SNX13: variants seen among roughly 807,000 people sequenced by gnomAD.
SNX13 encodes sorting nexin-13.
Under a neutral mutation model 133.6 loss-of-function variants are expected in SNX13, and 45 were observed. The observed-to-expected ratio is 0.34, with a 90% CI of 0.27 to 0.43. SNX13 has a LOEUF of 0.43. Ranked by LOEUF, SNX13 falls within the 20% of genes least tolerant of loss-of-function variation. The pLI, the probability that SNX13 is intolerant of heterozygous loss-of-function variation, is 1.00. For synonymous variants in SNX13, 414 were observed against 373.9 expected, an observed-to-expected ratio of 1.11 and a Z score of -1.24; for missense variants, 1,032 against 1,145.1, an observed-to-expected ratio of 0.90 and a Z score of 1.43.
intron 16 of SNX13, 42 bp from the exon 17 acceptor site, chr7:17,826,133 A>AG: frequency 1.5e-6 from 2 of 1,332,346 alleles, no homozygotes; most frequent in South Asian, 1.4e-5. Flanking sequence ...AAAATTTTAT[A>AG]GGGAAAAAAA....
chr7:17,930,188 C>A (rs1389090912), intron 1 of SNX13, among the ~76,000 whole-genome samples: 1 of 150,084 alleles, frequency 6.7e-6, no homozygotes, highest in Non-Finnish European at 1.5e-5. Flanking sequence ...ACATGTGTTA[C>A]TTCACTTAAT....
At chr7:17,877,597 CTGTT>C (rs1460755054) in intron 5 of SNX13, among the ~76,000 whole-genome samples, 3 of 151,982 alleles carry the variant, frequency 2.0e-5, no homozygotes, top group Admixed American at 6.6e-5. Context: ...TGCTACAATG[CTGTT>C]TATTTAATTT....
chr7:17,937,033 AC>A (rs1248438952), intron 1 of SNX13, among the ~76,000 whole-genome samples: 3 of 149,788 alleles, frequency 2.0e-5, no homozygotes, highest in African/African-American at 7.4e-5. Flanking sequence ...AAAAAAAAAA[AC>A]TAGCTAGACG....
intron 9 of SNX13, among the ~76,000 whole-genome samples, chr7:17,854,106 G>T (rs1158094114): frequency 6.6e-6 from 1 of 152,134 alleles, no homozygotes. Context: ...ATGTATGAGT[G>T]TAAAAGATTT....
intron 3 of SNX13, 75 bp downstream of exon 3, chr7:17,893,257 T>C (rs1223228734): frequency 5.1e-6 from 5 of 987,604 alleles, no homozygotes; most frequent in Non-Finnish European, 7.7e-6. Flanking sequence ...TGTCACGCTA[T>C]ATATACAGAT....
chr7:17,912,983 G>A (rs1216181996), intron 1 of SNX13, among the ~76,000 whole-genome samples: 3 of 152,134 alleles, frequency 2.0e-5, no homozygotes, highest in Non-Finnish European at 4.4e-5. Flanking sequence ...TCGCAGCCAG[G>A]GACAGCTCTG....
rs539079500 is a variant in SNX13 at position 17,839,913 on chromosome 7, T to C, written c.1253A>G (p.Glu418Gly). ...ATCTCTCTGACGACTTAATAAAACT[T>C]CTAGCTGCTGTTGGGCGGTAACCCG... ...GYRVTAQQQL[E>G]VLLSRQRDGK... The change falls in exon 13 of 26, where the codon GAA (glutamate) becomes GGA (glycine). Residue 418 changes from glutamate to glycine, a missense_variant. Physicochemically the swap from Glu to Gly is moderately conservative, Grantham distance 98. Coordinates refer to ENST00000428135, the MANE Select transcript of SNX13 (RefSeq NM_015132.5). The C allele has an allele frequency of 3.1e-6, 5 of 1,612,118 alleles. No individual in the cohort carries two copies. Among genetic ancestry groups the C allele is most frequent in the African/African-American group, 1.3e-5 (1 of 74,902 alleles).
At chr7:17,934,550 CCA>C (rs941957701) in intron 1 of SNX13, among the ~76,000 whole-genome samples, 1 of 151,982 alleles carries the variant, frequency 6.6e-6, no homozygotes, top group Admixed American at 6.6e-5. Context: ...TGCTGGGGGC[CCA>C]GAGATAACAA....
chr7:17,889,391 C>T (rs1796373622), intron 5 of SNX13: 1 of 152,020 alleles, frequency 6.6e-6, no homozygotes, highest in African/African-American at 2.4e-5. Context: ...AAATCTAAAG[C>T]TTTATAATCA....
intron 20 of SNX13, among the ~76,000 whole-genome samples, chr7:17,813,604 T>C (rs971685607): frequency 6.6e-6 from 1 of 151,240 alleles, no homozygotes. Context: ...TTTTTTTTTT[T>C]GAGACAGGGT....
chr7:17,805,257 GCGCGCGCGCATGCA>G lies in SNX13; in HGVS notation c.2065-1691_2065-1678del, dbSNP rs545507665. Among the ~76,000 whole-genome samples, 310 of 146,962 alleles carry G rather than the reference GCGCGCGCGCATGCA, an allele frequency of 2.1e-3. 1 individual carries two copies. The highest frequency in any genetic ancestry group is 5.5e-3 in the South Asian group (26 of 4,692). ...TGTGTGTGTGTGTGTGTGTGCGTGCGCGCGCGCGCATGCATGCACATGTGTAATTCTAATTCTAT... is the reference window on the plus strand; with the variant it reads ...TGTGTGTGTGTGTGTGTGTGCGTGCGTGCACATGTGTAATTCTAATTCTAT... On this transcript the variant is annotated intron_variant, in intron 20 of 25. Transcript: ENST00000428135.
intron 1 of SNX13, among the ~76,000 whole-genome samples, chr7:17,908,553 T>G (rs1798627049): frequency 6.6e-6 from 1 of 152,208 alleles, no homozygotes; most frequent in Admixed American, 6.5e-5. Context: ...AATATATTTT[T>G]CATTGTATTC....
chr7:17,801,568 C>A lies in SNX13; in HGVS notation c.2298+20G>T, dbSNP rs750064261. The A allele has an allele frequency of 6.3e-7, 1 of 1,586,566 alleles. No individual in the cohort carries two copies. Among genetic ancestry groups the A allele is most frequent in the Non-Finnish European group, 8.6e-7 (1 of 1,164,116 alleles). ...AAGTATGACTTAAACTAAATACTACCAAGAATAAAATTAACTCACATTATC... is the reference window on the plus strand; with the variant it reads ...AAGTATGACTTAAACTAAATACTACAAAGAATAAAATTAACTCACATTATC... On this transcript the variant is annotated intron_variant, in intron 22 of 25. Coordinates refer to ENST00000428135, the MANE Select transcript of SNX13 (RefSeq NM_015132.5).
intron 15 of SNX13, among the ~76,000 whole-genome samples, chr7:17,832,990 C>G (rs1251329203): frequency 2.6e-5 from 4 of 151,354 alleles, no homozygotes; most frequent in Non-Finnish European, 5.9e-5. Flanking sequence ...TACCTAACAG[C>G]TCTATTTTAT....
At chr7:17,842,271 T>C (rs1789990028) in intron 12 of SNX13, among the ~76,000 whole-genome samples, 1 of 152,084 alleles carries the variant, frequency 6.6e-6, no homozygotes, top group African/African-American at 2.4e-5. Context: ...AGCAGATTTC[T>C]TTCAAGAAAC....
intron 18 of SNX13, among the ~76,000 whole-genome samples, chr7:17,819,633 C>CTA (rs1276419557): frequency 1.3e-5 from 2 of 152,118 alleles, no homozygotes; most frequent in Non-Finnish European, 2.9e-5. Context: ...TGTTAACAGG[C>CTA]TATACTGTGA....
chr7:17,849,842 T>C (rs547255488), intron 11 of SNX13, among the ~76,000 whole-genome samples: 6 of 152,376 alleles, frequency 3.9e-5, no homozygotes, highest in African/African-American at 1.4e-4. Flanking sequence ...TCAAGTGTCA[T>C]CGAACCTCTT....
intron 1 of SNX13, among the ~76,000 whole-genome samples, chr7:17,918,893 A>C (rs1044255551): frequency 6.6e-6 from 1 of 152,204 alleles, no homozygotes; most frequent in East Asian, 1.9e-4. Context: ...AAAATGTGGT[A>C]CATATACTAC....
chr7:17,816,953 C>T (rs954895577), intron 18 of SNX13, among the ~76,000 whole-genome samples: 1 of 152,204 alleles, frequency 6.6e-6, no homozygotes, highest in South Asian at 2.1e-4. Context: ...AAGCCTTTGA[C>T]CTGTGAAGTA....
Sources: gnomAD v4.1 joint callset for allele counts (sites outside exome capture counted in the v4.1 genomes callset) on GRCh38, gnomAD v4.1.1 for gene constraint, MANE v1.5 for transcripts, NCBI Gene and HGNC (gene_info 2026-07-23, HGNC 2026-07-21) for gene names.